Variants in MTRR observed in about 807,000 individuals in gnomAD.
MTRR encodes methionine synthase reductase.
Under a neutral mutation model 79.2 loss-of-function variants are expected in MTRR, and 63 were observed. The ratio of observed to expected loss-of-function variants is 0.80; its 90% CI spans 0.65 to 0.98. MTRR has a LOEUF of 0.98. Among genes scored for constraint, MTRR ranks in the 50% least tolerant of loss-of-function variants. MTRR has a pLI of 0.00. For synonymous variants in MTRR, 355 were observed against 313.3 expected (o/e 1.13, Z -1.41); for missense variants, 895 against 839.6 (o/e 1.07, Z -0.82).
intron 2 of MTRR, among the ~76,000 whole-genome samples, chr5:7,862,515 AC>A (rs1298030080): frequency 1.3e-5 from 2 of 152,158 alleles, no homozygotes; most frequent in African/African-American, 4.8e-5. Flanking sequence ...CGTTCCAGGT[AC>A]TATTTTATTT....
intron 9 of MTRR, among the ~76,000 whole-genome samples, chr5:7,891,006 ACT>A (rs1271305422): frequency 2.0e-4 from 1 of 4,924 alleles, no homozygotes; most frequent in African/African-American, 1.6e-3. Context: ...CCTGCAGAAA[ACT>A]GCGCACCTCC....
upstream of MTRR, among the ~76,000 whole-genome samples, chr5:7,864,900 C>T (rs1746828054): frequency 6.6e-6 from 1 of 151,924 alleles, no homozygotes; most frequent in Admixed American, 6.6e-5. Context: ...ACCAAAAAGG[C>T]TCTAGTATGA....
intron 2 of MTRR, chr5:7,872,186 T>G (rs1446815801): frequency 2.2e-6 from 1 of 444,842 alleles, no homozygotes; most frequent in Non-Finnish European, 4.5e-6. Flanking sequence ...CTTGGAAGCA[T>G]TAAATACTTC....
intron 5 of MTRR, among the ~76,000 whole-genome samples, chr5:7,882,803 A>G (rs10040859): frequency 0.042 from 6,398 of 152,322 alleles, 458 homozygotes; most frequent in African/African-American, 0.15. Flanking sequence ...ATTCTTAAAC[A>G]TCTGTCACAT....
chr5:7,863,102 T>C (rs1014952766), intron 2 of MTRR: 5 of 939,062 alleles, frequency 5.3e-6, no homozygotes, highest in African/African-American at 5.0e-5. Context: ...CATTACTTTA[T>C]AGGCATGATA....
chr5:7,888,441 A>G (rs1736983098), intron 8 of MTRR, among the ~76,000 whole-genome samples: 1 of 152,224 alleles, frequency 6.6e-6, no homozygotes, highest in African/African-American at 2.4e-5. Flanking sequence ...TATCTTGCCA[A>G]AGTCTTTGCA....
At chr5:7,877,033 C>T (rs1333791226) in intron 4 of MTRR, among the ~76,000 whole-genome samples, 1 of 152,234 alleles carries the variant, frequency 6.6e-6, no homozygotes, top group East Asian at 1.9e-4. Flanking sequence ...TAGTGTACCA[C>T]ATGAGCACCT....
intron 14 of MTRR, among the ~76,000 whole-genome samples, chr5:7,897,856 A>G (rs368026517): frequency 5.1e-4 from 77 of 152,328 alleles, no homozygotes; most frequent in African/African-American, 1.7e-3. Flanking sequence ...TTTTGAAGTA[A>G]GAAATTCACT....
At chr5:7,881,157 G>A (rs1735519423) in intron 5 of MTRR, among the ~76,000 whole-genome samples, 1 of 151,972 alleles carries the variant, frequency 6.6e-6, no homozygotes, top group Non-Finnish European at 1.5e-5. Context: ...TGCCTTTGTG[G>A]GCTGCCCATT....
intron 6 of MTRR, 60 bp from the exon 7 acceptor site, chr5:7,885,641 A>G: frequency 6.6e-7 from 1 of 1,516,452 alleles, no homozygotes; most frequent in Non-Finnish European, 9.1e-7. Context: ...GTTACCCTAC[A>G]GCTTAAACTA....
chr5:7,885,196 T>C (rs1736211118), intron 6 of MTRR: 1 of 170,524 alleles, frequency 5.9e-6, no homozygotes, highest in African/African-American at 2.4e-5. Flanking sequence ...AGCCAGATAG[T>C]GTAATGTTTT....
rs1003422801 is a variant in MTRR at position 7,856,466 on chromosome 5, G to A, written n.391+4881G>A. 5.3e-5 allele frequency among the ~76,000 whole-genome samples: 8 copies of A among 152,096 alleles called. No homozygotes were observed. In the East Asian group the frequency reaches 7.7e-4, roughly 15 times the overall value. Reference sequence around the variant, plus strand: ...CATTCCTTACATGACCCTTCACCGCGAGCTGTACGATAAAGTTTAACTGAG... The same window carrying A: ...CATTCCTTACATGACCCTTCACCGCAAGCTGTACGATAAAGTTTAACTGAG... On this transcript the variant is annotated intron_variant and non_coding_transcript_variant, in intron 1 of 3. Coordinates refer to the MTRR transcript ENST00000502509.
Position 7,878,198 on chromosome 5 carries a change from T to C in MTRR, c.656T>C (p.Val219Ala), listed in dbSNP as rs1478098305. The change falls in exon 5 of 15, where the codon GTT (valine) becomes GCT (alanine). Residue 219 changes from valine (V) to alanine (A), a missense_variant. By Grantham distance (64) the Val-to-Ala change is moderately conservative. Transcript: ENST00000440940. ...GCAGTGAACAGCAACCAATCCAATG[T>C]TGTAATTGAAGACTTTGAGTCCTCA... ...QNAVNSNQSN[V>A]VIEDFESSLT... 2 of 1,614,220 alleles carry C rather than the reference T, an allele frequency of 1.2e-6. No homozygotes were observed. Among genetic ancestry groups the C allele is most frequent in the Admixed American group, 1.7e-5 (1 of 60,022 alleles).
At chr5:7,854,806 C>T (rs1746190422) in intron 1 of MTRR, among the ~76,000 whole-genome samples, 1 of 152,186 alleles carries the variant, frequency 6.6e-6, no homozygotes, top group Non-Finnish European at 1.5e-5. Flanking sequence ...CAGTCTGAGT[C>T]CCAGAGCTGA....
At position 7,900,684 on chromosome 5, in the gene MTRR, C is replaced by T. The variant is rs79333264; in HGVS notation, c.*626C>T. ...ATGAAATGTATTTTAAAATTTCACT[C>T]TGGCATATGATTTATCTATCACCAT... On this transcript the variant is annotated 3_prime_UTR_variant, in exon 15 of 15. Coordinates refer to ENST00000440940, the MANE Select transcript of MTRR (RefSeq NM_002454.3). 6.5e-6 allele frequency: 1 copy of T among 152,862 alleles called. No homozygotes were observed. Among genetic ancestry groups the T allele is most frequent in the African/African-American group, 2.4e-5 (1 of 41,450 alleles). The allele number at this position is 152,862 out of a possible 1,614,324, so 9.5% of individuals were successfully genotyped here. A position where few individuals can be genotyped will look rare whatever the true frequency, so the allele number is the denominator to read the frequency against.
At chr5:7,891,813 C>T (rs162046) in intron 10 of MTRR, among the ~76,000 whole-genome samples, 3,667 of 152,130 alleles carry the variant, frequency 0.024, 76 homozygotes, top group African/African-American at 0.048. Flanking sequence ...GAGGCCGAGG[C>T]GGGCGGATCA....
At chr5:7,867,042 C>CA, upstream of MTRR, 1 of 1,614,186 alleles carries the variant, frequency 6.2e-7, no homozygotes, top group Non-Finnish European at 8.5e-7. Context: ...AAAAATGTGT[C>CA]ATGGTGCCCA....
rs147910094 is a variant in MTRR at position 7,891,259 on chromosome 5, ATGATT to A, written c.1328-109_1328-105del. ...CTTAACTATGATTTAAAACTAGAACATGATTTGAGTATTCTAAATAAGACATGGAA... is the reference window on the plus strand; with the variant it reads ...CTTAACTATGATTTAAAACTAGAACATGAGTATTCTAAATAAGACATGGAA... On this transcript the variant is annotated intron_variant, in intron 9 of 14. Coordinates refer to ENST00000440940, the MANE Select transcript of MTRR (RefSeq NM_002454.3). 140,512 of 634,624 alleles carry A rather than the reference ATGATT, an allele frequency of 0.22. 19,014 individuals carry two copies. The highest frequency in any genetic ancestry group is 0.25 in the Non-Finnish European group (91,459 of 370,476). 39.3% of individuals were successfully genotyped at this position (634,624 alleles called of 1,614,324 possible). A position where few individuals can be genotyped will look rare whatever the true frequency, so the allele number is the denominator to read the frequency against.
chr5:7,879,970 G>T (rs1278568714), intron 5 of MTRR, among the ~76,000 whole-genome samples: 1 of 152,234 alleles, frequency 6.6e-6, no homozygotes, highest in Non-Finnish European at 1.5e-5. Context: ...GGTATGGAAT[G>T]TGCTACCCAC....
Sources: gnomAD v4.1 joint callset for allele counts (sites outside exome capture counted in the v4.1 genomes callset) on GRCh38, gnomAD v4.1.1 for gene constraint, MANE v1.5 for transcripts, NCBI Gene and HGNC (gene_info 2026-07-23, HGNC 2026-07-21) for gene names.